TRERF1: variants seen among roughly 807,000 people sequenced by gnomAD.
TRERF1 encodes the protein transcriptional regulating factor 1.
Under a neutral mutation model 122.9 loss-of-function variants are expected in TRERF1, and 27 were observed. The observed-to-expected ratio is 0.22, with a 90% confidence interval of 0.16 to 0.30. TRERF1 has a LOEUF of 0.30. TRERF1 is among the 10% of genes least tolerant of loss of function. The pLI is 1.00. For missense variants in TRERF1, 1,248 were observed against 1,560.3 expected (o/e 0.80, Z 3.37); for synonymous variants, 636 against 641.7 (o/e 0.99, Z 0.13).
chr6:42,414,389 T>A (rs1213039532), intron 2 of TRERF1, among the ~76,000 whole-genome samples: 1 of 152,234 alleles, frequency 6.6e-6, no homozygotes, highest in Non-Finnish European at 1.5e-5. Flanking sequence ...CTCTTTTGCA[T>A]GAATAAGTGA....
At chr6:42,408,254 CACA>C (rs1562152754) in intron 2 of TRERF1, among the ~76,000 whole-genome samples, 1 of 81,490 alleles carries the variant, frequency 1.2e-5, no homozygotes, top group Non-Finnish European at 2.4e-5. Context: ...TATATACATA[CACA>C]TGTGTGTGTA....
chr6:42,289,384 C>CA (rs1298159088), intron 4 of TRERF1, among the ~76,000 whole-genome samples: 1 of 150,210 alleles, frequency 6.7e-6, no homozygotes. Context: ...CCAGCAACAA[C>CA]AAAAAAACCT....
intron 3 of TRERF1, among the ~76,000 whole-genome samples, chr6:42,303,699 AGCCCAGGAGTTTGAGACAAAACCTG>A (rs1561948197): frequency 6.6e-6 from 1 of 152,058 alleles, no homozygotes; most frequent in African/African-American, 2.4e-5. Context: ...GGATCGCTTG[AGCCCAGGAGTTTGAGACAAAACCTG>A]GGCAACATGG....
intron 2 of TRERF1, among the ~76,000 whole-genome samples, chr6:42,386,130 C>T (rs1396251553): frequency 6.6e-6 from 1 of 152,096 alleles, no homozygotes; most frequent in African/African-American, 2.4e-5. Context: ...CCGAGGTGGG[C>T]GAATCACCTG....
intron 1 of TRERF1, among the ~76,000 whole-genome samples, chr6:42,451,462 T>G (rs1788495373): frequency 6.6e-6 from 1 of 151,060 alleles, no homozygotes; most frequent in South Asian, 2.1e-4. Flanking sequence ...GTAGGAAGCT[T>G]TGGGTTTCCA....
intron 3 of TRERF1, among the ~76,000 whole-genome samples, chr6:42,302,393 C>T (rs1221809995): frequency 3.3e-5 from 5 of 152,118 alleles, no homozygotes; most frequent in East Asian, 1.9e-4. Flanking sequence ...CTTCTAAATT[C>T]GCTGCTTTTA....
rs1491342865 is a variant in TRERF1 at position 42,277,941 on chromosome 6, A to AGAAGAAGAAGAAGAG, written c.-258-8094_-258-8093insCTCTTCTTCTTCTTC. On this transcript the variant is annotated intron_variant, in intron 4 of 17. Transcript: ENST00000372922. ...AAGAAGAAGAAGAAGAAGAAGAAGA[A>AGAAGAAGAAGAAGAG]GAAGAAGAAGAAGAAGAAGAAGAAG... 2.0e-4 allele frequency among the ~76,000 whole-genome samples: 27 copies of AGAAGAAGAAGAAGAG among 137,518 alleles called. 1 individual carries two copies. Among genetic ancestry groups the AGAAGAAGAAGAAGAG allele is most frequent in the Non-Finnish European group, 8.1e-5 (5 of 62,106 alleles). 90.2% of individuals were successfully genotyped at this position (137,518 alleles called of 152,430 possible).
chr6:42,299,118 C>CTGTCTGTCTGTCTG (rs1561938851), intron 4 of TRERF1, among the ~76,000 whole-genome samples: 82 of 114,958 alleles, frequency 7.1e-4, no homozygotes, highest in Non-Finnish European at 8.0e-4. Context: ...CTGTCTGTCT[C>CTGTCTGTCTGTCTG]TATCTATCTA....
chr6:42,331,177 G>A lies in TRERF1; in HGVS notation c.-370-30428C>T, dbSNP rs116876523. Among the ~76,000 whole-genome samples, 325 of 152,300 alleles carry A rather than the reference G, an allele frequency of 2.1e-3. 14 individuals carry two copies. The East Asian group carries it at 0.057, about 27-fold the overall frequency. On this transcript the variant is annotated intron_variant, in intron 3 of 17. Coordinates refer to ENST00000372922, the Ensembl canonical transcript of TRERF1. ...TTCCCTTCTCAGATTCCACTAAAATGACGGTTTACAGGAAAGAGGCAATTA... is the reference window on the plus strand; with the variant it reads ...TTCCCTTCTCAGATTCCACTAAAATAACGGTTTACAGGAAAGAGGCAATTA...
In TRERF1 at chr6:42,351,999, G is replaced by GTGTTGT. The variant is rs1554184797; in HGVS notation, c.-371+10992_-371+10997dup. On this transcript the variant is annotated intron_variant, in intron 3 of 17. Coordinates refer to ENST00000372922, the Ensembl canonical transcript of TRERF1. ...TGTGTTAAGCCATAATTTGGTGCGG[G>GTGTTGT]TGTTGTTGTTGTTGTTGTTTTTGAG... Among the ~76,000 whole-genome samples, 7 of 152,024 alleles carry GTGTTGT rather than the reference G, an allele frequency of 4.6e-5. No homozygotes were observed. In the South Asian group the frequency reaches 1.0e-3, roughly 23 times the overall value.
chr6:42,441,697 T>C (rs573144595), intron 2 of TRERF1, among the ~76,000 whole-genome samples: 9 of 151,724 alleles, frequency 5.9e-5, no homozygotes, highest in South Asian at 2.1e-4. Flanking sequence ...CCCAGCTGAT[T>C]CTGAAGTAAG....
chr6:42,251,767 C>T (rs1775868363), intron 13 of TRERF1, among the ~76,000 whole-genome samples: 1 of 152,098 alleles, frequency 6.6e-6, no homozygotes, highest in Non-Finnish European at 1.5e-5. Flanking sequence ...GTATTTCCTC[C>T]AGGTCTCCTC....
At chr6:42,360,078 G>A (rs1051996032) in intron 3 of TRERF1, among the ~76,000 whole-genome samples, 2 of 152,138 alleles carry the variant, frequency 1.3e-5, no homozygotes, top group Non-Finnish European at 2.9e-5. Context: ...TAATTTTCTA[G>A]TTAAACATGC....
chr6:42,275,431 G>A lies in TRERF1; in HGVS notation c.-258-5583C>T, dbSNP rs754891703. Among the ~76,000 whole-genome samples, 6 of 152,160 alleles carry A rather than the reference G, an allele frequency of 3.9e-5. No homozygotes were observed. The highest frequency in any genetic ancestry group is 2.0e-4 in the Admixed American group (3 of 15,286). On this transcript the variant is annotated intron_variant, in intron 4 of 17. Coordinates refer to ENST00000372922, the Ensembl canonical transcript of TRERF1. This position sits in a 1 kb window ranked among gnomAD's most constrained non-coding sequence, Gnocchi z 4.1. Reference sequence around the variant, plus strand: ...CTCAGAACCTAAGGTGCCACTCCACGCTCCCACAGAGCCTGTGACCGCTTT... The same window carrying A: ...CTCAGAACCTAAGGTGCCACTCCACACTCCCACAGAGCCTGTGACCGCTTT...
intron 2 of TRERF1, among the ~76,000 whole-genome samples, chr6:42,410,450 C>T (rs935092202): frequency 2.6e-5 from 4 of 152,072 alleles, no homozygotes; most frequent in Non-Finnish European, 5.9e-5. Flanking sequence ...TACCTGATCT[C>T]AACACTCATT....
chr6:42,424,721 G>A (rs1054292474), intron 2 of TRERF1, among the ~76,000 whole-genome samples: 2 of 152,146 alleles, frequency 1.3e-5, no homozygotes, highest in African/African-American at 4.8e-5. Context: ...ATCGAACAGG[G>A]AAGAAATGGA....
At chr6:42,296,964 T>C (rs749085475) in intron 4 of TRERF1, among the ~76,000 whole-genome samples, 2 of 152,240 alleles carry the variant, frequency 1.3e-5, no homozygotes, top group Non-Finnish European at 2.9e-5. Context: ...AAACAAATTG[T>C]ACAAAGCTGT....
intron 2 of TRERF1, among the ~76,000 whole-genome samples, chr6:42,448,776 C>T (rs184904535): frequency 6.6e-6 from 1 of 152,310 alleles, no homozygotes; most frequent in African/African-American, 2.4e-5. Context: ...ACTTTAAGTT[C>T]TTTGTCACTT....
At chr6:42,450,763 AC>A (rs1333455127) in intron 2 of TRERF1, among the ~76,000 whole-genome samples, 1 of 152,204 alleles carries the variant, frequency 6.6e-6, no homozygotes, top group East Asian at 1.9e-4. Context: ...CTGGGTGGCC[AC>A]ACTAACTTCT....
Sources: gnomAD v4.1 joint callset for allele counts (sites outside exome capture counted in the v4.1 genomes callset) on GRCh38, gnomAD v4.1.1 for gene constraint, Gnocchi (gnomAD v3.1) non-coding constraint, MANE v1.5 for transcripts, NCBI Gene and HGNC (gene_info 2026-07-23, HGNC 2026-07-21) for gene names.